The following ANK3 variants were observed in gnomAD, a reference collection of about 807,000 sequenced individuals.
The protein encoded by ANK3 is ankyrin 3.
A neutral mutation model predicts 370.9 loss-of-function variants in ANK3; 57 were observed. The ratio of observed to expected loss-of-function variants is 0.15; its 90% CI spans 0.12 to 0.19. The LOEUF (loss-of-function observed/expected upper bound fraction) is 0.19, where lower values mean the gene tolerates loss of function less well. Ranked by LOEUF, ANK3 falls within the 10% of genes least tolerant of loss-of-function variation. The pLI, the probability that ANK3 is intolerant of heterozygous loss-of-function variation, is 1.00. For synonymous variants in ANK3, 1,929 were observed against 1,946.3 expected (o/e 0.99, Z 0.23); for missense variants, 4,439 against 5,302.1 (o/e 0.84, Z 5.06).
intron 1 of ANK3, among the ~76,000 whole-genome samples, chr10:60,702,859 A>G (rs2079563244): frequency 6.6e-6 from 1 of 152,220 alleles, no homozygotes; most frequent in South Asian, 2.1e-4. Context: ...ATGGAAGAAT[A>G]TACCACAATC....
intron 1 of ANK3, among the ~76,000 whole-genome samples, chr10:60,715,760 C>T (rs1209228661): frequency 1.3e-5 from 2 of 152,036 alleles, no homozygotes; most frequent in East Asian, 1.9e-4. Context: ...ATGAATGTTA[C>T]GATTTTTGTT....
At chr10:60,257,895 T>G (rs2097760258) in intron 7 of ANK3, among the ~76,000 whole-genome samples, 1 of 152,226 alleles carries the variant, frequency 6.6e-6, no homozygotes, top group African/African-American at 2.4e-5. Context: ...TTCAATTATC[T>G]TCTCAAAATG....
At chr10:60,387,612 C>T (rs896465083) in intron 1 of ANK3, among the ~76,000 whole-genome samples, 4 of 152,170 alleles carry the variant, frequency 2.6e-5, no homozygotes, top group African/African-American at 9.7e-5. Flanking sequence ...GTCCTGAGAA[C>T]AAAACATTTA....
chr10:60,506,433 A>G (rs2075943487), intron 2 of ANK3, among the ~76,000 whole-genome samples: 1 of 152,098 alleles, frequency 6.6e-6, no homozygotes, highest in Non-Finnish European at 1.5e-5. Context: ...ATCTTTCCAA[A>G]GTTTGGGGAC....
Position 60,698,793 on chromosome 10 carries a change from C to T in ANK3, c.57+34470G>A, listed in dbSNP as rs1448378665. On this transcript the variant is annotated intron_variant, in intron 1 of 43. Coordinates refer to the ANK3 transcript ENST00000373827. ...GGGAGGGATAGCATTAGGAGATATA[C>T]CTAATGCTAGATGACGAGCTAGTGG... Among the ~76,000 whole-genome samples the T allele has an allele frequency of 2.0e-5, 3 of 148,276 alleles. No homozygotes were observed. The East Asian group carries it at 6.1e-4, about 30-fold the overall frequency.
At chr10:60,337,534 C>T (rs1434808392) in intron 1 of ANK3, among the ~76,000 whole-genome samples, 5 of 152,104 alleles carry the variant, frequency 3.3e-5, no homozygotes, top group African/African-American at 4.8e-5. Context: ...TATTAAATTC[C>T]ATGTCTCCTC....
At chr10:60,421,788 G>A (rs191606501) in intron 2 of ANK3, among the ~76,000 whole-genome samples, 32 of 152,174 alleles carry the variant, frequency 2.1e-4, no homozygotes, top group Admixed American at 1.8e-3. Context: ...TGTAAACACA[G>A]CATTTGTATC....
rs57432255 is a variant in ANK3, at chr10:60,445,870, G to C, written c.97-166231C>G. On this transcript the variant is annotated intron_variant, in intron 2 of 43. Coordinates refer to the ANK3 transcript ENST00000373827. Reference sequence around the variant, plus strand: ...ATACAGACAATGAAAGTAGACAAAGGCTTTCTCAGATGATCACAGAATATG... The same window carrying C: ...ATACAGACAATGAAAGTAGACAAAGCCTTTCTCAGATGATCACAGAATATG... Among the ~76,000 whole-genome samples the C allele has an allele frequency of 2.8e-3, 420 of 152,254 alleles. 7 individuals carry two copies. The highest frequency in any genetic ancestry group is 9.7e-3 in the African/African-American group (401 of 41,546).
intron 2 of ANK3, among the ~76,000 whole-genome samples, chr10:60,485,757 G>C (rs2075331706): frequency 6.6e-6 from 1 of 152,178 alleles, no homozygotes; most frequent in Non-Finnish European, 1.5e-5. Flanking sequence ...TAGCACACTT[G>C]AGTTGTATTT....
Position 60,106,019 on chromosome 10 carries a change from C to T in ANK3, c.3214G>A (p.Gly1072Arg). Residue 1072 changes from glycine to arginine, a missense_variant, in exon 28 of 44, where the codon GGA (glycine) becomes AGA (arginine). Physicochemically the swap from Gly to Arg is moderately radical, Grantham distance 125. Transcript: ENST00000280772. ...AGAACAATGAGTTCTCTCTCTTTTC[C>T]TCTCATGGACCCAAAGTGAGGGATT... is the stretch of plus-strand genomic sequence containing the variant. ...VEIPHFGSMR[G>R]KERELIVLRS... is the part of the protein sequence containing the mutation. The T allele has an allele frequency of 1.2e-6, 2 of 1,611,448 alleles. No homozygotes were observed. The highest frequency in any genetic ancestry group is 1.3e-5 in the African/African-American group (1 of 74,868).
intron 2 of ANK3, among the ~76,000 whole-genome samples, chr10:60,553,497 A>C (rs1002345307): frequency 6.6e-6 from 1 of 152,152 alleles, no homozygotes; most frequent in Non-Finnish European, 1.5e-5. Flanking sequence ...CTAATTTGGA[A>C]ATCTGAAATT....
chr10:60,540,913 A>G (rs1256459922), intron 2 of ANK3, among the ~76,000 whole-genome samples: 1 of 151,984 alleles, frequency 6.6e-6, no homozygotes, highest in Non-Finnish European at 1.5e-5. Flanking sequence ...TTGTAGAAAT[A>G]TTTGCAACAG....
rs754349234 is a variant in ANK3, at chr10:60,138,957, G to C, written c.2738+7C>G. The C allele has an allele frequency of 1.9e-6, 3 of 1,612,622 alleles. No individual in the cohort carries two copies. Among genetic ancestry groups the C allele is most frequent in the Non-Finnish European group, 1.7e-6 (2 of 1,179,554 alleles). On this transcript the variant is annotated splice_region_variant and intron_variant, in intron 24 of 43. Transcript: ENST00000280772. ...ATTAACTATGAAAGACAGCAACAACGAAGTACCTGGCAGAACGCGCTCCGA... is the reference window on the plus strand; with the variant it reads ...ATTAACTATGAAAGACAGCAACAACCAAGTACCTGGCAGAACGCGCTCCGA...
intron 7 of ANK3, among the ~76,000 whole-genome samples, chr10:60,254,585 G>A (rs2097710690): frequency 6.6e-6 from 1 of 152,338 alleles, no homozygotes; most frequent in Middle Eastern, 3.4e-3. Context: ...GCTTAGCCCA[G>A]TTAGCCTAGG....
At chr10:60,354,671 C>T (rs555227555) in intron 1 of ANK3, among the ~76,000 whole-genome samples, 4 of 152,168 alleles carry the variant, frequency 2.6e-5, no homozygotes, top group African/African-American at 9.6e-5. Flanking sequence ...TAGCTCTTGC[C>T]CCAGTTCTTC....
At chr10:60,356,564 A>T (rs2057776186) in intron 1 of ANK3, among the ~76,000 whole-genome samples, 1 of 152,162 alleles carries the variant, frequency 6.6e-6, no homozygotes, top group South Asian at 2.1e-4. Flanking sequence ...ACACTTGCAC[A>T]TTGGCCCCAG....
intron 1 of ANK3, among the ~76,000 whole-genome samples, chr10:60,660,226 G>T (rs1258172888): frequency 6.6e-6 from 1 of 152,048 alleles, no homozygotes; most frequent in South Asian, 2.1e-4. Context: ...CCTACCACAT[G>T]CAGGCACTAA....
At chr10:60,616,319 C>T (rs186034878) in intron 1 of ANK3, among the ~76,000 whole-genome samples, 10 of 152,208 alleles carry the variant, frequency 6.6e-5, no homozygotes, top group Admixed American at 4.6e-4. Context: ...AAAAGCAATG[C>T]ACATTCATTA....
chr10:60,336,145 G>A (rs1326276738), intron 1 of ANK3, among the ~76,000 whole-genome samples: 2 of 152,042 alleles, frequency 1.3e-5, no homozygotes, highest in East Asian at 3.9e-4. Context: ...GGGCAGGTTG[G>A]GGAGTCGAGG....
Sources: allele counts gnomAD v4.1 joint callset (sites outside exome capture counted in the v4.1 genomes callset), GRCh38; gene constraint gnomAD v4.1.1; transcripts MANE v1.5; gene names NCBI Gene and HGNC (gene_info 2026-07-23, HGNC 2026-07-21).